FSAF1: variants seen among roughly 807,000 people sequenced by gnomAD.
The protein encoded by FSAF1 is 40S small subunit processome assembly factor 1.
chr1:231,227,845 T>C, the FSAF1 span, among the ~76,000 whole-genome samples: 1 of 152,096 alleles, frequency 6.6e-6, no homozygotes, highest in Non-Finnish European at 1.5e-5. Context: ...CACCTCGGCC[T>C]CCCAAAGTGC....
chr1:231,241,143 C>T, the FSAF1 span: 5 of 1,608,112 alleles, frequency 3.1e-6, no homozygotes, highest in Admixed American at 3.4e-5. Context: ...AACCCTCATT[C>T]TGCCGCGCTG....
chr1:231,234,582 A>G, the FSAF1 span, among the ~76,000 whole-genome samples: 4 of 152,178 alleles, frequency 2.6e-5, no homozygotes, highest in Non-Finnish European at 5.9e-5. The surrounding 1 kb of genome is among the most constrained non-coding windows in gnomAD (Gnocchi z 4.0). Context: ...GCTCCCTTAT[A>G]ATCGATTCAC....
the FSAF1 span, chr1:231,224,930 A>C: frequency 6.0e-6 from 1 of 166,904 alleles, no homozygotes; most frequent in East Asian, 1.7e-4. Context: ...CATTCAACAG[A>C]TACAGATCGG....
the FSAF1 span, chr1:231,238,678 C>CT: frequency 1.8e-6 from 1 of 569,946 alleles, no homozygotes. Flanking sequence ...TAAGGTCAGT[C>CT]TGTAGGCCTA....
the FSAF1 span, among the ~76,000 whole-genome samples, chr1:231,230,958 T>C: frequency 6.6e-6 from 1 of 152,226 alleles, no homozygotes; most frequent in Non-Finnish European, 1.5e-5. Flanking sequence ...GCATCCACTG[T>C]CACATTGGAC....
At chr1:231,238,546 G>A in the FSAF1 span, 1 of 227,240 alleles carries the variant, frequency 4.4e-6, no homozygotes, top group African/African-American at 2.2e-5. Context: ...CCTGATCAGA[G>A]TGTTTTTGCA....
the FSAF1 span, among the ~76,000 whole-genome samples, chr1:231,240,436 T>G: frequency 3.9e-5 from 6 of 152,188 alleles, no homozygotes; most frequent in African/African-American, 1.4e-4. The surrounding 1 kb of genome is among the most constrained non-coding windows in gnomAD (Gnocchi z 4.1). Context: ...TGAGGCACTG[T>G]CTTCCTACTG....
the FSAF1 span, chr1:231,224,739 A>C: frequency 5.9e-4 from 176 of 300,616 alleles, no homozygotes; most frequent in African/African-American, 3.5e-3. Context: ...TTTCCTTCAC[A>C]ATGCTCTCTT....
At chr1:231,232,975 A>G in the FSAF1 span, among the ~76,000 whole-genome samples, 1 of 152,294 alleles carries the variant, frequency 6.6e-6, no homozygotes, top group East Asian at 1.9e-4. Flanking sequence ...GATGAGCCTA[A>G]ATTACTTCAG....
At chr1:231,229,312 C>T in the FSAF1 span, 103 of 714,526 alleles carry the variant, frequency 1.4e-4, no homozygotes, top group Admixed American at 2.7e-3. Flanking sequence ...GTGACCCTTT[C>T]ACACCCACTA....
the FSAF1 span, chr1:231,225,667 A>G: frequency 2.6e-6 from 2 of 756,668 alleles, no homozygotes; most frequent in East Asian, 2.7e-5. Context: ...AACAGTCTCA[A>G]AGTTTTACCC....
the FSAF1 span, chr1:231,225,639 A>G: frequency 1.1e-6 from 1 of 906,864 alleles, no homozygotes; most frequent in Non-Finnish European, 1.8e-6. Context: ...ATTTCTTTCA[A>G]GTGGGCATAT....
the FSAF1 span, among the ~76,000 whole-genome samples, chr1:231,239,589 C>T: frequency 6.6e-6 from 1 of 152,202 alleles, no homozygotes; most frequent in African/African-American, 2.4e-5. Context: ...TATTTTCTTT[C>T]ACAGTTAGGA....
chr1:231,229,200 G>C, the FSAF1 span: 1 of 1,579,520 alleles, frequency 6.3e-7, no homozygotes, highest in Non-Finnish European at 8.6e-7. Flanking sequence ...AAAACACTAG[G>C]ATTAGCCTGC....
chr1:231,238,956 A>G, the FSAF1 span: 1 of 1,614,048 alleles, frequency 6.2e-7, no homozygotes, highest in South Asian at 1.1e-5. Flanking sequence ...GGGAAGAGGG[A>G]GGAACTGCAG....
chr1:231,227,115 C>G, the FSAF1 span: 29 of 1,579,034 alleles, frequency 1.8e-5, no homozygotes, highest in Admixed American at 4.7e-4. Context: ...CCAACAACTC[C>G]AAAGAAAAAA....
the FSAF1 span, chr1:231,223,789 T>A: frequency 6.6e-6 from 1 of 152,526 alleles, no homozygotes; most frequent in African/African-American, 2.4e-5. Flanking sequence ...TTTATTTATA[T>A]AACTTCTTAT....
chr1:231,228,484 A>G, the FSAF1 span, among the ~76,000 whole-genome samples: 1 of 152,004 alleles, frequency 6.6e-6, no homozygotes, highest in Non-Finnish European at 1.5e-5. Context: ...CTGTAATCCC[A>G]GCTACTCCGG....
chr1:231,230,081 A>C, the FSAF1 span, among the ~76,000 whole-genome samples: 3 of 152,246 alleles, frequency 2.0e-5, no homozygotes, highest in Non-Finnish European at 4.4e-5. Context: ...CCAACTGTCA[A>C]AAGTAATACA....
Sources: allele counts gnomAD v4.1 joint callset (sites outside exome capture counted in the v4.1 genomes callset), GRCh38; gene constraint gnomAD v4.1.1; non-coding constraint Gnocchi (gnomAD v3.1); transcripts MANE v1.5; gene names NCBI Gene and HGNC (gene_info 2026-07-23, HGNC 2026-07-21).